GRID1: variants seen among roughly 807,000 people sequenced by gnomAD.
GRID1 encodes glutamate ionotropic receptor delta type subunit 1.
GRID1 carries 28 observed loss-of-function variants against 98.0 expected under a neutral mutation model. The observed-to-expected ratio is 0.29, with a 90% confidence interval of 0.21 to 0.39. The LOEUF is 0.39. GRID1 is among the 10% of genes least tolerant of loss of function. GRID1 has a pLI of 1.00. For synonymous variants in GRID1, 553 were observed against 538.5 expected, an observed-to-expected ratio of 1.03 and a Z score of -0.37; for missense variants, 1,111 against 1,340.5, an observed-to-expected ratio of 0.83 and a Z score of 2.67.
intron 8 of GRID1, among the ~76,000 whole-genome samples, chr10:85,782,736 C>T (rs1208222621): frequency 6.6e-6 from 1 of 152,238 alleles, no homozygotes; most frequent in Non-Finnish European, 1.5e-5. Flanking sequence ...GAGTGCAATA[C>T]TGCCAGGGCA....
At chr10:85,977,206 G>A (rs193126212) in intron 4 of GRID1, among the ~76,000 whole-genome samples, 95 of 152,276 alleles carry the variant, frequency 6.2e-4, no homozygotes, top group African/African-American at 2.0e-3. Flanking sequence ...TTCCAAAAAC[G>A]CTTAGAAAAG....
intron 2 of GRID1, among the ~76,000 whole-genome samples, chr10:86,264,140 T>C (rs560169906): frequency 6.6e-6 from 1 of 152,014 alleles, no homozygotes; most frequent in South Asian, 2.1e-4. Context: ...GGCACCCTCC[T>C]CTCCCATCCC....
At chr10:86,274,541 G>C (rs1332836100) in intron 2 of GRID1, among the ~76,000 whole-genome samples, 1 of 152,180 alleles carries the variant, frequency 6.6e-6, no homozygotes, top group Non-Finnish European at 1.5e-5. Flanking sequence ...TCCTACCCAT[G>C]AGCATGGAAT....
intron 4 of GRID1, among the ~76,000 whole-genome samples, chr10:86,018,739 A>T (rs966854851): frequency 7.2e-5 from 11 of 152,202 alleles, no homozygotes; most frequent in African/African-American, 2.7e-4. Flanking sequence ...TGAGAGGATC[A>T]GCCCCGCCTT....
At chr10:86,341,904 G>A (rs957525679) in intron 2 of GRID1, among the ~76,000 whole-genome samples, 1 of 152,206 alleles carries the variant, frequency 6.6e-6, no homozygotes, top group African/African-American at 2.4e-5. Flanking sequence ...TCTTTGCCTT[G>A]GATTCTGTGC....
At chr10:85,672,025 C>A (rs1192287960) in intron 12 of GRID1, among the ~76,000 whole-genome samples, 5 of 152,208 alleles carry the variant, frequency 3.3e-5, no homozygotes, top group Non-Finnish European at 7.3e-5. Context: ...AGGAATGAAG[C>A]TGTCTCCATA....
intron 8 of GRID1, among the ~76,000 whole-genome samples, chr10:85,853,414 G>A (rs566537452): frequency 6.6e-6 from 1 of 152,208 alleles, no homozygotes; most frequent in Non-Finnish European, 1.5e-5. Flanking sequence ...ATCATTAGTA[G>A]AGACATCTTC....
chr10:85,949,321 C>T (rs1177831588), intron 4 of GRID1, among the ~76,000 whole-genome samples: 1 of 152,078 alleles, frequency 6.6e-6, no homozygotes, highest in African/African-American at 2.4e-5. Context: ...TTTGGGCATC[C>T]TTCCAGACCC....
chr10:85,665,220 G>A (rs1249725854), intron 12 of GRID1, among the ~76,000 whole-genome samples: 1 of 152,020 alleles, frequency 6.6e-6, no homozygotes, highest in African/African-American at 2.4e-5. Flanking sequence ...AACAGCCCCA[G>A]GGTCACACCT....
chr10:85,916,237 G>A lies in GRID1; in HGVS notation c.729C>T (p.Ala243=), dbSNP rs35815235. The A allele has an allele frequency of 0.037, 59,353 of 1,610,588 alleles. 1,338 individuals are homozygous for A. The highest frequency in any genetic ancestry group is 0.073 in the South Asian group (6,619 of 90,966). Residue 243 remains alanine (A), a splice_region_variant and synonymous_variant, in exon 5 of 16, where the codon GCC becomes GCT. Coordinates refer to ENST00000327946, the MANE Select transcript of GRID1 (RefSeq NM_017551.3). The surrounding 1 kb of genome is among the most constrained non-coding windows in gnomAD (Gnocchi z 4.0). The part of the protein sequence containing the change: ...PQGAHSFINE[A]VETNLASKDS... ...CCTTGGAAGCCAGGTTGGTCTCCAC[G>A]GCCTGCAGAGAGAAAAAGAACGAAC...
At chr10:85,660,197 C>A (rs1037459536) in intron 12 of GRID1, among the ~76,000 whole-genome samples, 1 of 152,226 alleles carries the variant, frequency 6.6e-6, no homozygotes, top group Non-Finnish European at 1.5e-5. Flanking sequence ...GCCTGGGGGG[C>A]ATCAATGGGA....
chr10:85,704,552 C>T (rs1841491935), intron 12 of GRID1, among the ~76,000 whole-genome samples: 1 of 152,190 alleles, frequency 6.6e-6, no homozygotes, highest in Non-Finnish European at 1.5e-5. Context: ...CAACATTAGA[C>T]AGATCAACAA....
intron 8 of GRID1, among the ~76,000 whole-genome samples, chr10:85,851,410 G>C (rs1344324214): frequency 6.6e-6 from 1 of 152,094 alleles, no homozygotes; most frequent in East Asian, 1.9e-4. Flanking sequence ...CACTAAAAAC[G>C]CACTTCCTGG....
At chr10:85,784,260 G>A (rs1206058207) in intron 8 of GRID1, among the ~76,000 whole-genome samples, 2 of 152,146 alleles carry the variant, frequency 1.3e-5, no homozygotes, top group African/African-American at 2.4e-5. Context: ...TTCAATAGTG[G>A]GGTCTTTGCT....
rs146690138 is a variant in GRID1 at position 85,802,183 on chromosome 10, C to G, written c.1233+52313G>C. Among the ~76,000 whole-genome samples, 560 of 152,162 alleles carry G rather than the reference C, an allele frequency of 3.7e-3. 3 individuals are homozygous for G. The highest frequency in any genetic ancestry group is 4.9e-3 in the Non-Finnish European group (332 of 67,962). On this transcript the variant is annotated intron_variant, in intron 8 of 15. Transcript: ENST00000327946. ...CAACTGTCGCTGAAATTGTTCTATA[C>G]AGCCAAAGAAATGCTAATCAAAAAA... is the stretch of plus-strand genomic sequence containing the variant.
chr10:86,337,680 TTC>T (rs1435589407), intron 2 of GRID1, among the ~76,000 whole-genome samples: 5 of 151,440 alleles, frequency 3.3e-5, no homozygotes, highest in African/African-American at 1.2e-4. Context: ...CTAACAGCCT[TTC>T]TCTTCCCTTT....
intron 12 of GRID1, among the ~76,000 whole-genome samples, chr10:85,686,225 C>T (rs899399076): frequency 2.0e-5 from 3 of 152,124 alleles, no homozygotes; most frequent in African/African-American, 7.2e-5. Context: ...CATACACAGC[C>T]TGCTTATGTG....
intron 12 of GRID1, among the ~76,000 whole-genome samples, chr10:85,691,059 A>T (rs1316926239): frequency 6.6e-6 from 1 of 152,208 alleles, no homozygotes; most frequent in East Asian, 1.9e-4. Context: ...TCCACCACTG[A>T]ACTAGTTAAT....
At chr10:85,711,134 C>A (rs947834638) in intron 12 of GRID1, among the ~76,000 whole-genome samples, 4 of 151,858 alleles carry the variant, frequency 2.6e-5, no homozygotes, top group Non-Finnish European at 4.4e-5. Flanking sequence ...GGTATATACA[C>A]CGAAGAATTA....
Sources: allele counts gnomAD v4.1 joint callset (sites outside exome capture counted in the v4.1 genomes callset), GRCh38; gene constraint gnomAD v4.1.1; non-coding constraint Gnocchi (gnomAD v3.1); transcripts MANE v1.5; gene names NCBI Gene and HGNC (gene_info 2026-07-23, HGNC 2026-07-21).